The following JAK2 variants were observed in gnomAD, a reference collection of about 807,000 sequenced individuals.
JAK2 encodes the protein Janus kinase 2.
A neutral mutation model predicts 139.3 loss-of-function variants in JAK2; 86 were observed. That is an observed-to-expected ratio of 0.62 (90% CI 0.52 to 0.74). JAK2 has a LOEUF of 0.74. Ranked by LOEUF, JAK2 falls within the 30% of genes least tolerant of loss-of-function variation. JAK2 has a pLI of 0.00. For synonymous variants in JAK2, 490 were observed against 437.7 expected, an observed-to-expected ratio of 1.12 and a Z score of -1.49; for missense variants, 1,421 against 1,360.3, an observed-to-expected ratio of 1.04 and a Z score of -0.70.
rs1043961650 is a variant in JAK2, at chr9:5,127,428, A to G, written c.*637A>G. Reference sequence around the variant, plus strand: ...CTGTAAATATTTTTCACATAAAGGGAACAAATGTCTAGTTTTATTTGTATA... The same window carrying G: ...CTGTAAATATTTTTCACATAAAGGGGACAAATGTCTAGTTTTATTTGTATA... On this transcript the variant is annotated 3_prime_UTR_variant, in exon 25 of 25. Transcript: ENST00000381652. 8.6e-6 allele frequency: 2 copies of G among 231,668 alleles called. No individual in the cohort carries two copies. Among genetic ancestry groups the G allele is most frequent in the Non-Finnish European group, 1.7e-5 (2 of 116,702 alleles). 14.4% of individuals were successfully genotyped at this position (231,668 alleles called of 1,614,324 possible). A position where few individuals can be genotyped will look rare whatever the true frequency, so the allele number is the denominator to read the frequency against.
At chr9:4,999,852 C>T (rs1820826309) in intron 2 of JAK2, among the ~76,000 whole-genome samples, 1 of 152,190 alleles carries the variant, frequency 6.6e-6, no homozygotes, top group African/African-American at 2.4e-5. Context: ...AGACTTGTTT[C>T]ATAGAATTAT....
chr9:5,059,923 T>C (rs1192025564), intron 8 of JAK2, among the ~76,000 whole-genome samples: 1 of 152,208 alleles, frequency 6.6e-6, no homozygotes, highest in African/African-American at 2.4e-5. Flanking sequence ...GTAGAGTCTC[T>C]ATAGATTCTA....
intron 22 of JAK2, among the ~76,000 whole-genome samples, chr9:5,120,339 A>AT (rs1823520865): frequency 6.6e-6 from 1 of 152,236 alleles, no homozygotes; most frequent in South Asian, 2.1e-4. Flanking sequence ...CAACACCTGA[A>AT]TTTTGGAGGA....
chr9:4,998,709 C>T (rs1465450180), intron 2 of JAK2, among the ~76,000 whole-genome samples: 5 of 149,546 alleles, frequency 3.3e-5, no homozygotes, highest in Non-Finnish European at 7.4e-5. Flanking sequence ...AGAAGTAGCT[C>T]AAAATCTCCT....
Position 5,081,768 on chromosome 9 carries a change from G to A in JAK2, c.2478G>A (p.Arg826=), listed in dbSNP as rs763745031. 1 of 1,602,402 alleles carries A rather than the reference G, an allele frequency of 6.2e-7. No homozygotes were observed. The highest frequency in any genetic ancestry group is 8.6e-7 in the Non-Finnish European group (1 of 1,169,576). Residue 826 remains arginine, a synonymous_variant, in exon 19 of 25, where the codon AGG becomes AGA. Transcript: ENST00000381652. ...AAAATGACATGTTACCAAATATGAG[G>A]ATAGGTGCCCTGGGGTTTTCTGGTG... ...LTENDMLPNM[R]IGALGFSGAF...
At chr9:5,110,311 T>TACG (rs1335017902) in intron 22 of JAK2, 1 of 152,210 alleles carries the variant, frequency 6.6e-6, no homozygotes, top group African/African-American at 2.4e-5. Flanking sequence ...CCAGGGGCTG[T>TACG]TACCACCTTA....
intron 22 of JAK2, among the ~76,000 whole-genome samples, chr9:5,106,790 A>G (rs1821995203): frequency 6.6e-6 from 1 of 152,184 alleles, no homozygotes; most frequent in African/African-American, 2.4e-5. Context: ...TCAGCAAACT[A>G]GCGCAAGGAC....
At position 5,080,894 on chromosome 9, in the gene JAK2, T is replaced by G. The variant is rs1370023378; in HGVS notation, c.2434+211T>G. Among the ~76,000 whole-genome samples the G allele has an allele frequency of 1.1e-4, 3 of 27,894 alleles. No homozygotes were observed. The East Asian group carries it at 1.8e-3, about 17-fold the overall frequency. The allele number at this position is 27,894 out of a possible 152,430, so 18.3% of individuals were successfully genotyped here. On this transcript the variant is annotated intron_variant, in intron 18 of 24. Transcript: ENST00000381652. The stretch of plus-strand genomic sequence containing the variant: ...TCATTTTTATAAAAAGACCTTTTCT[T>G]TTTTTTTTTTTTTTTTTTTGAGATG...
At position 4,998,507 on chromosome 9, in the gene JAK2, G is replaced by A. The variant is rs532209361; in HGVS notation, c.-26+12485G>A. 4.6e-3 allele frequency among the ~76,000 whole-genome samples: 704 copies of A among 152,158 alleles called. 4 individuals carry two copies. The highest frequency in any genetic ancestry group is 0.016 in the African/African-American group (665 of 41,498). On this transcript the variant is annotated intron_variant, in intron 2 of 24. Transcript: ENST00000381652. Reference sequence around the variant, plus strand: ...CCTGACCTCGTGATCCGCCCGCCTTGGCCTCCCAAAGTGCTGGGATTACAG... The same window carrying A: ...CCTGACCTCGTGATCCGCCCGCCTTAGCCTCCCAAAGTGCTGGGATTACAG...
chr9:5,088,541 TC>T (rs1202890299), intron 19 of JAK2, among the ~76,000 whole-genome samples: 2 of 110,148 alleles, frequency 1.8e-5, no homozygotes, highest in Non-Finnish European at 4.0e-5. Context: ...AAAGACATCT[TC>T]AAAAAAAAAA....
At chr9:5,003,364 C>G (rs767765153) in intron 2 of JAK2, among the ~76,000 whole-genome samples, 1 of 151,582 alleles carries the variant, frequency 6.6e-6, no homozygotes, top group Non-Finnish European at 1.5e-5. Flanking sequence ...ATGGTCTATC[C>G]CTCTCTTATT....
intron 16 of JAK2, 102 bp from the exon 17 acceptor site, chr9:5,080,127 G>A: frequency 1.1e-6 from 1 of 919,738 alleles, no homozygotes; most frequent in Middle Eastern, 2.6e-4. Context: ...AAAGAAAATA[G>A]GCCTGATTAT....
At chr9:5,051,245 A>G (rs1253525141) in intron 6 of JAK2, among the ~76,000 whole-genome samples, 1 of 152,216 alleles carries the variant, frequency 6.6e-6, no homozygotes, top group Non-Finnish European at 1.5e-5. Context: ...TACAGGAAAT[A>G]TCATAGGTAT....
chr9:5,011,926 G>A (rs1463242132), intron 2 of JAK2, among the ~76,000 whole-genome samples: 1 of 152,176 alleles, frequency 6.6e-6, no homozygotes, highest in Non-Finnish European at 1.5e-5. Flanking sequence ...GAAAGCCTGA[G>A]ATATTTACCA....
At chr9:5,034,249 T>C (rs1329908229) in intron 4 of JAK2, among the ~76,000 whole-genome samples, 4 of 152,074 alleles carry the variant, frequency 2.6e-5, no homozygotes, top group Non-Finnish European at 2.9e-5. Flanking sequence ...AGCAAGTCCT[T>C]AGAGACCTAC....
chr9:5,112,519 G>T, intron 22 of JAK2: 1 of 576,446 alleles, frequency 1.7e-6, no homozygotes, highest in Non-Finnish European at 3.1e-6. Context: ...TTTCCCCCCA[G>T]AGCAGAAGGC....
intron 22 of JAK2, among the ~76,000 whole-genome samples, chr9:5,106,492 C>T (rs182783670): frequency 7.4e-4 from 112 of 152,278 alleles, no homozygotes; most frequent in Admixed American, 4.6e-3. Context: ...GACAGTGTGG[C>T]GACTCCTCAA....
intron 4 of JAK2, chr9:5,041,381 G>C (rs928564005): frequency 7.9e-6 from 5 of 629,180 alleles, no homozygotes; most frequent in African/African-American, 1.8e-5. Context: ...CCTGGGCAAG[G>C]AGCAGAGCCA....
chr9:5,043,946 T>C (rs1240200062), intron 4 of JAK2, among the ~76,000 whole-genome samples: 1 of 152,256 alleles, frequency 6.6e-6, no homozygotes, highest in Non-Finnish European at 1.5e-5. Context: ...GACTTTATGG[T>C]ATGTGAATTA....
Sources: gnomAD v4.1 joint callset for allele counts (sites outside exome capture counted in the v4.1 genomes callset) on GRCh38, gnomAD v4.1.1 for gene constraint, MANE v1.5 for transcripts, NCBI Gene and HGNC (gene_info 2026-07-23, HGNC 2026-07-21) for gene names.